The following ZFHX3 variants were observed in gnomAD, a reference collection of about 807,000 sequenced individuals.
ZFHX3 encodes zinc finger homeobox 3.
ZFHX3 carries 42 observed loss-of-function variants against 279.1 expected under a neutral mutation model. That is an observed-to-expected ratio of 0.15 (90% confidence interval 0.12 to 0.19). ZFHX3 has a LOEUF of 0.19. Ranked by LOEUF, ZFHX3 falls within the 10% of genes least tolerant of loss-of-function variation. ZFHX3 has a pLI of 1.00. For synonymous variants in ZFHX3, 2,293 were observed against 1,957.8 expected (o/e 1.17, Z -4.52); for missense variants, 4,981 against 4,754.0 (o/e 1.05, Z -1.40).
intron 2 of ZFHX3, among the ~76,000 whole-genome samples, chr16:73,616,653 T>C (rs557623537): frequency 4.3e-4 from 65 of 152,132 alleles, no homozygotes; most frequent in Admixed American, 1.2e-3. Flanking sequence ...CAACACTAAA[T>C]GTAAATATTG....
rs556569889 is a variant in ZFHX3 at position 72,821,685 on chromosome 16, C to T, written c.3529+8094G>A. Reference sequence around the variant, plus strand: ...GGTTCACATCCTGGCTGTGTGACCTCGAGCATCCTATCTGACTACACTGAG... The same window carrying T: ...GGTTCACATCCTGGCTGTGTGACCTTGAGCATCCTATCTGACTACACTGAG... On this transcript the variant is annotated intron_variant, in intron 5 of 9. Coordinates refer to ENST00000268489, the MANE Select transcript of ZFHX3 (RefSeq NM_006885.4). Among the ~76,000 whole-genome samples the T allele has an allele frequency of 6.1e-4, 93 of 152,288 alleles. 1 individual carries two copies. Among genetic ancestry groups the T allele is most frequent in the Non-Finnish European group, 1.0e-3 (70 of 68,022 alleles).
chr16:73,076,551 G>C (rs965428973), intron 8 of ZFHX3, among the ~76,000 whole-genome samples: 2 of 152,204 alleles, frequency 1.3e-5, no homozygotes, highest in African/African-American at 4.8e-5. Flanking sequence ...CTCGAGCAGA[G>C]GGGATATGTA....
intron 1 of ZFHX3, among the ~76,000 whole-genome samples, chr16:73,680,717 G>A (rs766765): frequency 0.31 from 46,601 of 151,968 alleles, 7,838 homozygotes; most frequent in African/African-American, 0.46. Flanking sequence ...ACTGAATGGT[G>A]GGTGTATATC....
Position 72,958,954 on chromosome 16 carries a change from T to C in ZFHX3, c.1192A>G (p.Ser398Gly). The C allele has an allele frequency of 6.3e-7, 1 of 1,598,816 alleles. No individual in the cohort carries two copies. The highest frequency in any genetic ancestry group is 8.5e-7 in the Non-Finnish European group (1 of 1,172,680). The change falls in exon 2 of 10, where the codon AGC becomes GGC. Residue 398 changes from serine to glycine, a missense_variant. Ser to Gly is a moderately conservative substitution (Grantham distance 56, BLOSUM62 0). Around this residue, in one of 7 missense-constraint regions of ZFHX3, gnomAD observed 1,068 missense variants for 935.2 expected, o/e 1.14. Coordinates refer to ENST00000268489, the MANE Select transcript of ZFHX3 (RefSeq NM_006885.4). Reference protein sequence around the residue: ...EQPQAGLLTPSTLLNLGGLTS... With the variant: ...EQPQAGLLTPGTLLNLGGLTS... ...AGCCCGCCAAGGTTCAACAGGGTGCTGGGGGTCAAGAGACCAGCCTGGGGC... is the reference window on the plus strand; with the variant it reads ...AGCCCGCCAAGGTTCAACAGGGTGCCGGGGGTCAAGAGACCAGCCTGGGGC...
chr16:72,791,822 C>G (rs2035715101), intron 9 of ZFHX3, among the ~76,000 whole-genome samples: 1 of 152,100 alleles, frequency 6.6e-6, no homozygotes, highest in African/African-American at 2.4e-5. Flanking sequence ...TTTTCTTATT[C>G]TCTTTGAATA....
intron 1 of ZFHX3, among the ~76,000 whole-genome samples, chr16:73,859,490 C>A (rs929039434): frequency 8.5e-5 from 13 of 152,116 alleles, no homozygotes; most frequent in African/African-American, 2.9e-4. Flanking sequence ...GGGTGTATGA[C>A]CTTGAGTAAG....
intron 2 of ZFHX3, among the ~76,000 whole-genome samples, chr16:73,597,707 A>G (rs961376685): frequency 2.0e-5 from 3 of 152,214 alleles, no homozygotes; most frequent in African/African-American, 7.2e-5. Flanking sequence ...AGCATGGAAC[A>G]GACTCTAGCC....
intron 2 of ZFHX3, among the ~76,000 whole-genome samples, chr16:73,505,450 G>C (rs1253602945): frequency 1.3e-5 from 2 of 151,742 alleles, no homozygotes; most frequent in African/African-American, 4.8e-5. Context: ...TGCCTGGTTT[G>C]ATTACAAAGT....
intron 1 of ZFHX3, among the ~76,000 whole-genome samples, chr16:73,709,973 G>A (rs2053342754): frequency 1.3e-5 from 2 of 152,166 alleles, no homozygotes; most frequent in South Asian, 4.1e-4. Context: ...CCTGAGGTCA[G>A]GAATTCAAGA....
chr16:73,459,933 T>C (rs1281494356), intron 2 of ZFHX3, among the ~76,000 whole-genome samples: 2 of 152,196 alleles, frequency 1.3e-5, no homozygotes, highest in African/African-American at 4.8e-5. Flanking sequence ...ATGGTGATTA[T>C]GGGGATTACA....
intron 3 of ZFHX3, among the ~76,000 whole-genome samples, chr16:72,919,287 T>G (rs544726289): frequency 1.1e-4 from 16 of 151,806 alleles, no homozygotes; most frequent in Non-Finnish European, 2.4e-4. Context: ...GCCTCCCAAG[T>G]AGCTAGGACT....
chr16:73,181,550 G>T (rs1597207318), intron 5 of ZFHX3, among the ~76,000 whole-genome samples: 2 of 152,128 alleles, frequency 1.3e-5, no homozygotes, highest in Admixed American at 6.5e-5. Flanking sequence ...TGTCACCACT[G>T]GTTCCATTAT....
At chr16:72,912,981 C>T (rs960041011) in intron 3 of ZFHX3, among the ~76,000 whole-genome samples, 2 of 152,174 alleles carry the variant, frequency 1.3e-5, no homozygotes, top group Non-Finnish European at 2.9e-5. Flanking sequence ...CCTCAGCCTC[C>T]GAAAGTGTTG....
intron 2 of ZFHX3, among the ~76,000 whole-genome samples, chr16:73,560,389 T>G (rs542847880): frequency 9.5e-4 from 144 of 152,326 alleles, no homozygotes; most frequent in African/African-American, 2.7e-3. Context: ...GTCGACGCCA[T>G]TTTATCCTAA....
At chr16:72,804,810 A>G (rs560775561) in intron 7 of ZFHX3, among the ~76,000 whole-genome samples, 27 of 152,202 alleles carry the variant, frequency 1.8e-4, no homozygotes, top group African/African-American at 6.0e-4. Context: ...CAGATGTGGA[A>G]GGGCCAATAT....
rs1315594643 is a variant in ZFHX3, at chr16:73,562,007, C to T, written c.-1546-105749G>A. On this transcript the variant is annotated intron_variant, in intron 2 of 17. Coordinates refer to the ZFHX3 transcript ENST00000641206. ...AGATTTTGTTTAAAATAAAAGAGCT[C>T]TAAAAATCTACAGAGTAACTCTTTT... Among the ~76,000 whole-genome samples the T allele has an allele frequency of 2.0e-5, 3 of 152,100 alleles. No individual in the cohort carries two copies. The East Asian group carries it at 5.8e-4, about 29-fold the overall frequency.
At chr16:73,259,739 T>C (rs1950252373) in intron 4 of ZFHX3, among the ~76,000 whole-genome samples, 5 of 152,238 alleles carry the variant, frequency 3.3e-5, no homozygotes. Context: ...TATACCCAGA[T>C]TGTCTAAACA....
At chr16:73,021,241 C>T (rs1054627981) in intron 1 of ZFHX3, among the ~76,000 whole-genome samples, 3 of 152,104 alleles carry the variant, frequency 2.0e-5, no homozygotes, top group Non-Finnish European at 2.9e-5. Context: ...AAACGGGGCT[C>T]GAGGTTCTGG....
chr16:72,813,559 G>A (rs1191407369), intron 5 of ZFHX3, among the ~76,000 whole-genome samples: 2 of 152,088 alleles, frequency 1.3e-5, no homozygotes, highest in Admixed American at 6.6e-5. Flanking sequence ...CAGTATCTTG[G>A]TAACCTGGTC....
Sources: allele counts gnomAD v4.1 joint callset (sites outside exome capture counted in the v4.1 genomes callset), GRCh38; gene constraint gnomAD v4.1.1; regional missense constraint gnomAD v4.1.1; transcripts MANE v1.5; gene names NCBI Gene and HGNC (gene_info 2026-07-23, HGNC 2026-07-21).